POMT1: variants seen among roughly 807,000 people sequenced by gnomAD.
The protein encoded by POMT1 is protein O-mannosyl-transferase 1.
Under a neutral mutation model 101.6 loss-of-function variants are expected in POMT1, and 85 were observed. The observed-to-expected ratio is 0.84, with a 90% CI of 0.70 to 1.00. POMT1 has a LOEUF of 1.00. Ranked by LOEUF, POMT1 falls within the 50% of genes least tolerant of loss-of-function variation. POMT1 has a pLI of 0.00. For missense variants in POMT1, 857 were observed against 930.4 expected, an observed-to-expected ratio of 0.92 and a Z score of 1.03; for synonymous variants, 371 against 383.0, an observed-to-expected ratio of 0.97 and a Z score of 0.37.
At chr9:131,521,837 G>A (rs376700343) in intron 18 of POMT1, among the ~76,000 whole-genome samples, 1 of 152,182 alleles carries the variant, frequency 6.6e-6, no homozygotes, top group African/African-American at 2.4e-5. Context: ...GGAAATGGCT[G>A]GGTAACACAG....
At position 131,518,905 on chromosome 9, in the gene POMT1, G is replaced by C. The variant is rs1302351507; in HGVS notation, c.1434G>C (p.Arg478=). The change falls in exon 15 of 20, where the codon CGG becomes CGC. Residue 478 remains arginine (R), a synonymous_variant. Transcript: ENST00000402686. ...AGATCGTCGGGGAGAAGCTGTCCCG[G>C]GGCTACCACGGGAGCACGGTGTGGA... ...QLEIVGEKLS[R]GYHGSTVWNV... The C allele has an allele frequency of 6.2e-7, 1 of 1,613,840 alleles. No individual in the cohort carries two copies. Among genetic ancestry groups the C allele is most frequent in the Non-Finnish European group, 8.5e-7 (1 of 1,180,032 alleles).
chr9:131,516,394 C>T (rs181791911), intron 13 of POMT1, among the ~76,000 whole-genome samples: 72 of 151,504 alleles, frequency 4.8e-4, no homozygotes, highest in African/African-American at 1.4e-3. Flanking sequence ...CTTCCTCACA[C>T]GGAGCACTTC....
intron 18 of POMT1, among the ~76,000 whole-genome samples, chr9:131,521,798 C>T (rs1949975372): frequency 6.6e-6 from 1 of 152,148 alleles, no homozygotes; most frequent in Non-Finnish European, 1.5e-5. Flanking sequence ...AGGAATTGCC[C>T]TCTTGGTCCC....
rs771649702 is a variant in POMT1, at chr9:131,519,398, A to G, written c.1496A>G (p.Gln499Arg). ...EEHRYGASQEQRERERELHSP... is the reference protein window; with the variant it reads ...EEHRYGASQERRERERELHSP... ...TTGTCTGTTCTGCCAGGCCAGGAGC[A>G]GAGGGAGCGGGAACGGGAGCTGCAC... Residue 499 changes from glutamine to arginine, a missense_variant, in exon 16 of 20, where the codon CAG becomes CGG. By Grantham distance (43) the Gln-to-Arg change is conservative. Transcript: ENST00000402686. This position sits in a 1 kb window ranked among gnomAD's most constrained non-coding sequence, Gnocchi z 4.3. The G allele has an allele frequency of 2.4e-5, 38 of 1,551,836 alleles. No homozygotes were observed. The South Asian group carries it at 4.0e-4, about 17-fold the overall frequency.
At chr9:131,512,275 A>G (rs990509455) in intron 11 of POMT1, 139 bp downstream of exon 11, 2 of 1,464,326 alleles carry the variant, frequency 1.4e-6, no homozygotes, top group African/African-American at 2.8e-5. Flanking sequence ...ACACCAGCTC[A>G]GTGCTGAGTC....
At position 131,522,588 on chromosome 9, in the gene POMT1, G is replaced by A. The variant is rs2131935155; in HGVS notation, c.2004-344G>A. The A allele has an allele frequency of 5.7e-6, 3 of 525,444 alleles. No individual in the cohort carries two copies. The South Asian group carries it at 6.2e-5, about 11-fold the overall frequency. 32.5% of individuals were successfully genotyped at this position (525,444 alleles called of 1,614,324 possible). A position where few individuals can be genotyped will look rare whatever the true frequency, so the allele number is the denominator to read the frequency against. The stretch of plus-strand genomic sequence containing the variant: ...GTGTGGTGTGGTGGAGAGAACCCAA[G>A]AAAGCTTCTAAACCAGAGTGTGTTT... On this transcript the variant is annotated intron_variant, in intron 19 of 19. Transcript: ENST00000402686. This position sits in a 1 kb window ranked among gnomAD's most constrained non-coding sequence, Gnocchi z 5.5.
At position 131,515,532 on chromosome 9, in the gene POMT1, G is replaced by A. The variant is rs1262191721; in HGVS notation, c.1272+10G>A. On this transcript the variant is annotated intron_variant, in intron 13 of 19. Coordinates refer to ENST00000402686, the MANE Select transcript of POMT1 (RefSeq NM_001077365.2). ...GAACCTCTGGAGACTGGTGAGTAAG[G>A]CTGCGGCTATAGCAGCCACAACCGT... The A allele has an allele frequency of 1.9e-6, 3 of 1,612,894 alleles. No homozygotes were observed. The East Asian group carries it at 6.7e-5, about 36-fold the overall frequency.
At position 131,519,937 on chromosome 9, in the gene POMT1, T is replaced by TGCTGCCTCC. The variant is rs1273974773; in HGVS notation, c.1585-141_1585-133dup. 5.6e-6 allele frequency: 4 copies of TGCTGCCTCC among 715,158 alleles called. No homozygotes were observed. The highest frequency in any genetic ancestry group is 9.9e-6 in the Non-Finnish European group (4 of 402,752). 44.3% of individuals were successfully genotyped at this position (715,158 alleles called of 1,614,324 possible). A position where few individuals can be genotyped will look rare whatever the true frequency, so the allele number is the denominator to read the frequency against. On this transcript the variant is annotated intron_variant, in intron 16 of 19. Transcript: ENST00000402686. The surrounding 1 kb of genome is among the most constrained non-coding windows in gnomAD (Gnocchi z 4.3). ...AGGGCTGGAATCCAGGTTCTCATCATGCTGCCTCCGATGCATGATCCGAAT... is the reference window on the plus strand; with the variant it reads ...AGGGCTGGAATCCAGGTTCTCATCATGCTGCCTCCGCTGCCTCCGATGCATGATCCGAAT...
At chr9:131,505,319 CAT>C (rs1286830330) in intron 2 of POMT1, among the ~76,000 whole-genome samples, 1 of 119,590 alleles carries the variant, frequency 8.4e-6, no homozygotes, top group Admixed American at 9.4e-5. Flanking sequence ...TTTTTGGAGA[CAT>C]AGTTTTACTC....
chr9:131,519,288 AG>A lies in POMT1; in HGVS notation c.1487-100del. ...TGCGGTTCGATAAGGGGTCTTTGTT[AG>A]AAAGGCAGGAAGCCAGCTTTTTGCT... On this transcript the variant is annotated intron_variant, in intron 15 of 19. Coordinates refer to ENST00000402686, the MANE Select transcript of POMT1 (RefSeq NM_001077365.2). The surrounding 1 kb of genome is among the most constrained non-coding windows in gnomAD (Gnocchi z 4.3). 8.3e-7 allele frequency: 1 copy of A among 1,209,546 alleles called. No homozygotes were observed. The highest frequency in any genetic ancestry group is 1.2e-6 in the Non-Finnish European group (1 of 844,180). 74.9% of individuals were successfully genotyped at this position (1,209,546 alleles called of 1,614,324 possible).
chr9:131,515,852 T>C (rs1357229295), intron 13 of POMT1, among the ~76,000 whole-genome samples: 1 of 107,878 alleles, frequency 9.3e-6, no homozygotes, highest in African/African-American at 3.5e-5. Flanking sequence ...ACGGAGCACT[T>C]CCTCACAGGG....
At chr9:131,518,804 A>G (rs1442519541) in intron 14 of POMT1, 33 bp from the exon 15 acceptor site, 2 of 1,613,708 alleles carry the variant, frequency 1.2e-6, no homozygotes, top group African/African-American at 2.7e-5. Context: ...CGGCCTTCCC[A>G]TCACGCCCTT....
chr9:131,516,129 C>A (rs1311934022), intron 13 of POMT1, among the ~76,000 whole-genome samples: 1 of 121,188 alleles, frequency 8.3e-6, no homozygotes, highest in East Asian at 2.6e-4. Context: ...CACTTCCTCA[C>A]ACGGAACACT....
Position 131,518,926 on chromosome 9 carries a change from G to A in POMT1, c.1455G>A (p.Val485=), listed in dbSNP as rs755214416. Residue 485 remains valine, a synonymous_variant, in exon 15 of 20, where the codon GTG becomes GTA. Transcript: ENST00000402686. ...KLSRGYHGST[V]WNVEEHRYGA... is the part of the protein sequence containing the mutation. ...CCCGGGGCTACCACGGGAGCACGGT[G>A]TGGAACGTGGAGGAGCACCGATACG... 1 of 1,613,746 alleles carries A rather than the reference G, an allele frequency of 6.2e-7. No individual in the cohort carries two copies. Among genetic ancestry groups the A allele is most frequent in the Non-Finnish European group, 8.5e-7 (1 of 1,180,042 alleles).
At position 131,512,021 on chromosome 9, in the gene POMT1, T is replaced by C. The variant is rs1295629778; in HGVS notation, c.987-20T>C. 1.9e-6 allele frequency: 3 copies of C among 1,613,850 alleles called. No homozygotes were observed. The highest frequency in any genetic ancestry group is 1.1e-5 in the South Asian group (1 of 91,050). On this transcript the variant is annotated intron_variant, in intron 10 of 19. Transcript: ENST00000402686. Reference sequence around the variant, plus strand: ...CCACCGCGCCTGGCCCAGATACATCTCTTTGTTGACTTCACACAGATATGA... The same window carrying C: ...CCACCGCGCCTGGCCCAGATACATCCCTTTGTTGACTTCACACAGATATGA...
chr9:131,504,453 G>T, intron 2 of POMT1, 113 bp downstream of exon 2: 2 of 1,528,790 alleles, frequency 1.3e-6, no homozygotes, highest in East Asian at 4.6e-5. Flanking sequence ...CTTGGTGATA[G>T]GTGTTTTTGG....
chr9:131,519,765 C>T lies in POMT1; in HGVS notation c.1584+279C>T, dbSNP rs1415503775. 6.6e-6 allele frequency among the ~76,000 whole-genome samples: 1 copy of T among 152,186 alleles called. No individual in the cohort carries two copies. The highest frequency in any genetic ancestry group is 1.5e-5 in the Non-Finnish European group (1 of 68,032). Reference sequence around the variant, plus strand: ...CCCCCAGGCAGCGAAATGGGCCACACTCAACAGAGCCCAAGAGAAGTCACA... The same window carrying T: ...CCCCCAGGCAGCGAAATGGGCCACATTCAACAGAGCCCAAGAGAAGTCACA... On this transcript the variant is annotated intron_variant, in intron 16 of 19. Transcript: ENST00000402686. This position sits in a 1 kb window ranked among gnomAD's most constrained non-coding sequence, Gnocchi z 4.3.
rs1230154728 is a variant in POMT1, at chr9:131,505,336, G to A, written c.123-778G>A. Among the ~76,000 whole-genome samples, 8 of 135,836 alleles carry A rather than the reference G, an allele frequency of 5.9e-5. No individual in the cohort carries two copies. The East Asian group carries it at 6.6e-4, about 11-fold the overall frequency. The allele number at this position is 135,836 out of a possible 152,430, so 89.1% of individuals were successfully genotyped here. ...TTTGGAGACATAGTTTTACTCTGTC[G>A]CCCAGGCTGTAGTGCAATGGTGCGA... On this transcript the variant is annotated intron_variant, in intron 2 of 19. Coordinates refer to ENST00000402686, the MANE Select transcript of POMT1 (RefSeq NM_001077365.2).
rs117231569 is a variant in POMT1 at position 131,521,769 on chromosome 9, C to T, written c.1826-278C>T. Among the ~76,000 whole-genome samples, 41 of 152,340 alleles carry T rather than the reference C, an allele frequency of 2.7e-4. No individual in the cohort carries two copies. The East Asian group carries it at 4.6e-3, about 17-fold the overall frequency. Reference sequence around the variant, plus strand: ...ATGTTGCGTTAGAGGTGTCTCCAGTCGAGTGCAGCGTATTGGGCAGGAATT... The same window carrying T: ...ATGTTGCGTTAGAGGTGTCTCCAGTTGAGTGCAGCGTATTGGGCAGGAATT... On this transcript the variant is annotated intron_variant, in intron 18 of 19. Transcript: ENST00000402686.
Sources: gnomAD v4.1 joint callset for allele counts (sites outside exome capture counted in the v4.1 genomes callset) on GRCh38, gnomAD v4.1.1 for gene constraint, Gnocchi (gnomAD v3.1) non-coding constraint, MANE v1.5 for transcripts, NCBI Gene and HGNC (gene_info 2026-07-23, HGNC 2026-07-21) for gene names.